Variants in AFF4 observed in about 807,000 individuals in gnomAD.
AFF4 encodes the protein ALF transcription elongation factor 4.
A neutral mutation model predicts 124.8 loss-of-function variants in AFF4; 13 were observed. The observed-to-expected ratio is 0.10, with a 90% confidence interval of 0.07 to 0.17. AFF4 has a LOEUF of 0.17. Ranked by LOEUF, AFF4 falls within the 10% of genes least tolerant of loss-of-function variation. AFF4 has a pLI of 1.00. For missense variants in AFF4, 1,092 were observed against 1,403.8 expected (o/e 0.78, Z 3.55); for synonymous variants, 477 against 496.1 (o/e 0.96, Z 0.51).
In AFF4 at chr5:132,963,606, G is replaced by T. The variant is rs1762131721; in HGVS notation, c.-352C>A. Reference sequence around the variant, plus strand: ...TCCGCTGGCGGCGGCGACGGCAGCTGGACTCCTGCAGCCAGGGCTGTGACT... The same window carrying T: ...TCCGCTGGCGGCGGCGACGGCAGCTTGACTCCTGCAGCCAGGGCTGTGACT... On this transcript the variant is annotated 5_prime_UTR_variant, in exon 1 of 21. Coordinates refer to ENST00000265343, the MANE Select transcript of AFF4 (RefSeq NM_014423.4). The T allele has an allele frequency of 2.5e-6, 1 of 397,464 alleles. No homozygotes were observed. The allele number at this position is 397,464 out of a possible 1,614,324, so 24.6% of individuals were successfully genotyped here. A position where few individuals can be genotyped will look rare whatever the true frequency, so the allele number is the denominator to read the frequency against.
At chr5:132,916,573 G>A (rs1760917129) in intron 5 of AFF4, among the ~76,000 whole-genome samples, 1 of 152,000 alleles carries the variant, frequency 6.6e-6, no homozygotes, top group Non-Finnish European at 1.5e-5. Flanking sequence ...TAATACTTCA[G>A]CCCACTCCAA....
intron 7 of AFF4, among the ~76,000 whole-genome samples, chr5:132,901,877 T>G (rs1050348303): frequency 6.6e-6 from 1 of 152,092 alleles, no homozygotes; most frequent in South Asian, 2.1e-4. Flanking sequence ...CCACATTGTT[T>G]TAAAGAGTGT....
At chr5:132,910,117 A>T (rs1205103094) in intron 5 of AFF4, among the ~76,000 whole-genome samples, 1 of 152,242 alleles carries the variant, frequency 6.6e-6, no homozygotes, top group Non-Finnish European at 1.5e-5. Flanking sequence ...ACACTTCCTT[A>T]TAACACCCAG....
At chr5:132,884,430 T>C (rs771548571) in intron 19 of AFF4, among the ~76,000 whole-genome samples, 2 of 152,060 alleles carry the variant, frequency 1.3e-5, no homozygotes, top group African/African-American at 2.4e-5. Context: ...TTAGCACAGA[T>C]GGGGTTTCAC....
intron 1 of AFF4, among the ~76,000 whole-genome samples, chr5:132,940,426 G>A (rs1032005031): frequency 4.6e-5 from 7 of 151,788 alleles, no homozygotes; most frequent in Admixed American, 6.6e-5. Context: ...GCGTGAACCC[G>A]GGAGGCGGAG....
chr5:132,937,113 T>C lies in AFF4; in HGVS notation c.77A>G (p.Asp26Gly). The change falls in exon 2 of 21, where the codon GAC becomes GGC. Residue 26 changes from aspartate to glycine, a missense_variant. Asp to Gly is a moderately conservative substitution (Grantham distance 94). Around this residue, in one of 11 missense-constraint regions of AFF4, gnomAD observed 46 missense variants for 49.0 expected, o/e 0.94. Coordinates refer to ENST00000265343, the MANE Select transcript of AFF4 (RefSeq NM_014423.4). The stretch of plus-strand genomic sequence containing the variant: ...GAGAGGAGAGCTAGGTGGGAAGGCG[T>C]CTTCGCCCTGCTGAATTTCCTGATT... ...RRNQEIQQGE[D>G]AFPPSSPLFA... 6.2e-7 allele frequency: 1 copy of C among 1,613,930 alleles called. No individual in the cohort carries two copies. The highest frequency in any genetic ancestry group is 1.1e-5 in the South Asian group (1 of 91,062).
chr5:132,906,891 G>C (rs892429373), intron 5 of AFF4, among the ~76,000 whole-genome samples: 2 of 152,148 alleles, frequency 1.3e-5, no homozygotes, highest in African/African-American at 4.8e-5. Flanking sequence ...CTTGAGGCCA[G>C]GAGTTCAAGA....
At chr5:132,955,637 G>C (rs1761936884) in intron 1 of AFF4, among the ~76,000 whole-genome samples, 1 of 151,688 alleles carries the variant, frequency 6.6e-6, no homozygotes, top group African/African-American at 2.4e-5. Flanking sequence ...AAGTAGCCGG[G>C]CGTGGTGGCG....
At chr5:132,887,177 C>A (rs554808956) in intron 17 of AFF4, among the ~76,000 whole-genome samples, 1 of 152,300 alleles carries the variant, frequency 6.6e-6, no homozygotes, top group South Asian at 2.1e-4. Context: ...ATCCTTTATT[C>A]TGAACAAACT....
chr5:132,901,153 C>G, intron 7 of AFF4: 1 of 985,340 alleles, frequency 1.0e-6, no homozygotes, highest in Non-Finnish European at 1.2e-6. Flanking sequence ...TGTACTTAGT[C>G]TGAATTCTCT....
chr5:132,938,636 CTAAG>C (rs961962238), intron 1 of AFF4, among the ~76,000 whole-genome samples: 16 of 151,830 alleles, frequency 1.1e-4, no homozygotes, highest in African/African-American at 3.4e-4. Context: ...GATTTGCATA[CTAAG>C]TGTCATGCAA....
At chr5:132,885,186 T>C (rs2150064816) in intron 18 of AFF4, 67 bp from the exon 19 acceptor site, 12 of 1,271,164 alleles carry the variant, frequency 9.4e-6, no homozygotes, top group African/African-American at 4.5e-5. Flanking sequence ...GTTCTAAATA[T>C]ATTTAAAAGC....
At chr5:132,929,898 C>T (rs932671983) in intron 4 of AFF4, among the ~76,000 whole-genome samples, 1 of 151,946 alleles carries the variant, frequency 6.6e-6, no homozygotes, top group East Asian at 1.9e-4. Flanking sequence ...CTGAATGAGG[C>T]CTCTGTTATA....
intron 5 of AFF4, chr5:132,926,234 T>G (rs766579411): frequency 2.1e-6 from 1 of 485,410 alleles, no homozygotes; most frequent in Non-Finnish European, 4.1e-6. Context: ...AGGAGCTCTG[T>G]TGGGATGAAG....
intron 1 of AFF4, among the ~76,000 whole-genome samples, chr5:132,958,449 G>A (rs1489903705): frequency 8.5e-6 from 1 of 117,658 alleles, no homozygotes; most frequent in Non-Finnish European, 1.6e-5. Flanking sequence ...CTGGATGACA[G>A]AGTGAGACCC....
chr5:132,915,359 A>C (rs995561877), intron 5 of AFF4, among the ~76,000 whole-genome samples: 2 of 151,964 alleles, frequency 1.3e-5, no homozygotes, highest in Non-Finnish European at 2.9e-5. Flanking sequence ...AGAAAAAAGA[A>C]AAAATACCAT....
intron 7 of AFF4, among the ~76,000 whole-genome samples, chr5:132,899,904 A>G (rs962511335): frequency 6.6e-6 from 1 of 152,230 alleles, no homozygotes; most frequent in African/African-American, 2.4e-5. Flanking sequence ...GCTACTTTCT[A>G]TAAACTCTCA....
At position 132,898,347 on chromosome 5, in the gene AFF4, G is replaced by A; in HGVS notation, c.1272C>T (p.Ser424=). Residue 424 remains serine, a synonymous_variant, in exon 10 of 21, where the codon TCC becomes TCT. Coordinates refer to ENST00000265343, the MANE Select transcript of AFF4 (RefSeq NM_014423.4). ...SHHNSEGADN[S]RDDSSSHSGS... is the part of the protein sequence containing the mutation. ...CACTGTGGCTACTAGAATCATCCCT[G>A]GAGTTATCTGCTCCTTCACTATTAT... The A allele has an allele frequency of 6.2e-7, 1 of 1,614,180 alleles. No homozygotes were observed. The highest frequency in any genetic ancestry group is 2.2e-5 in the East Asian group (1 of 44,888).
chr5:132,956,310 GT>G (rs1237695938), intron 1 of AFF4, among the ~76,000 whole-genome samples: 1 of 152,102 alleles, frequency 6.6e-6, no homozygotes, highest in Non-Finnish European at 1.5e-5. Flanking sequence ...CTGTGTTCCA[GT>G]AAAACTTTAT....
Sources: gnomAD v4.1 joint callset for allele counts (sites outside exome capture counted in the v4.1 genomes callset) on GRCh38, gnomAD v4.1.1 for gene constraint, gnomAD v4.1.1 regional missense constraint, MANE v1.5 for transcripts, NCBI Gene and HGNC (gene_info 2026-07-23, HGNC 2026-07-21) for gene names.